The following TMEM237 variants were observed in gnomAD, a reference collection of about 807,000 sequenced individuals.
TMEM237 encodes the protein amyotrophic lateral sclerosis 2 (juvenile) chromosome region, candidate 4.
Under a neutral mutation model 59.1 loss-of-function variants are expected in TMEM237, and 51 were observed. The observed-to-expected ratio is 0.86, with a 90% confidence interval of 0.69 to 1.09. The LOEUF (loss-of-function observed/expected upper bound fraction) is 1.09. Among genes scored for constraint, TMEM237 ranks in the 50% least tolerant of loss-of-function variants. TMEM237 has a pLI of 0.00. For synonymous variants in TMEM237, 140 were observed against 166.1 expected (o/e 0.84, Z 1.21); for missense variants, 475 against 478.3 (o/e 0.99, Z 0.06).
chr2:201,638,546 C>T (rs548143402), intron 4 of TMEM237: 1 of 155,058 alleles, frequency 6.4e-6, no homozygotes, highest in South Asian at 2.1e-4. Context: ...ATGACTGAAG[C>T]TTTACTATTT....
intron 1 of TMEM237, among the ~76,000 whole-genome samples, chr2:201,641,990 T>C (rs1015503517): frequency 6.6e-6 from 1 of 152,164 alleles, no homozygotes; most frequent in African/African-American, 2.4e-5. Flanking sequence ...TTTAATTCAA[T>C]GGGAAACAAA....
intron 1 of TMEM237, among the ~76,000 whole-genome samples, chr2:201,641,826 A>C (rs1329953349): frequency 6.6e-6 from 1 of 152,118 alleles, no homozygotes; most frequent in Non-Finnish European, 1.5e-5. Context: ...ATGAGAAAGC[A>C]GCAACCGGAA....
rs542584542 is a variant in TMEM237 at position 201,627,768 on chromosome 2, G to T, written c.943+308C>A. ...AATGATCAGAAAGATATAAAATATT[G>T]TTTGTTATTAAAAGGCCATACCCGC... On this transcript the variant is annotated intron_variant, in intron 10 of 12. Coordinates refer to ENST00000409883, the MANE Select transcript of TMEM237 (RefSeq NM_001044385.3). Among the ~76,000 whole-genome samples, 52 of 152,130 alleles carry T rather than the reference G, an allele frequency of 3.4e-4. 1 individual carries two copies. The highest frequency in any genetic ancestry group is 3.1e-3 in the Admixed American group (47 of 15,284).
At position 201,626,225 on chromosome 2, in the gene TMEM237, A is replaced by ATGTTC. The variant is rs1957757636; in HGVS notation, c.1038-79_1038-78insGAACA. 2.7e-6 allele frequency: 4 copies of ATGTTC among 1,475,744 alleles called. No homozygotes were observed. In the African/African-American group the frequency reaches 5.7e-5, roughly 21 times the overall value. 91.4% of individuals were successfully genotyped at this position (1,475,744 alleles called of 1,614,324 possible). On this transcript the variant is annotated intron_variant, in intron 11 of 12. Transcript: ENST00000409883. ...CAAATATATCTATTTTATGAACTTT[A>ATGTTC]AGAAAAAACAGCAGTCCTCTCCTAG...
Position 201,626,066 on chromosome 2 carries a change from C to T in TMEM237, c.1119G>A (p.Trp373Ter). 1 of 1,602,314 alleles carries T rather than the reference C, an allele frequency of 6.2e-7. No homozygotes were observed. Among genetic ancestry groups the T allele is most frequent in the Non-Finnish European group, 8.5e-7 (1 of 1,173,932 alleles). ...LVVALLVGLS[W>*]LFLSYRPGMD... Reference sequence around the variant, plus strand: ...TGCCTGGCCTATAAGACAAAAATAGCCAAGATAATCCAACCAGAAGAGCCA... The same window carrying T: ...TGCCTGGCCTATAAGACAAAAATAGTCAAGATAATCCAACCAGAAGAGCCA... Residue 373 changes from tryptophan (W) to a stop codon, truncating the protein, a stop_gained, in exon 12 of 13, where the codon TGG becomes TGA. Coordinates refer to ENST00000409883, the MANE Select transcript of TMEM237 (RefSeq NM_001044385.3). LOFTEE classifies it high-confidence loss of function.
intron 4 of TMEM237, among the ~76,000 whole-genome samples, chr2:201,637,206 T>A (rs1293803108): frequency 6.6e-6 from 1 of 152,226 alleles, no homozygotes; most frequent in Non-Finnish European, 1.5e-5. Flanking sequence ...TAAAAACTGA[T>A]ACCATAGAGA....
chr2:201,629,460 T>C (rs1465223856), intron 8 of TMEM237, 39 bp from the exon 9 acceptor site: 4 of 1,463,276 alleles, frequency 2.7e-6, no homozygotes, highest in Admixed American at 3.1e-5. Flanking sequence ...CATGAATTAC[T>C]AAAGTAAAAA....
At chr2:201,640,337 A>G in intron 2 of TMEM237, 72 bp from the exon 3 acceptor site, 2 of 1,389,726 alleles carry the variant, frequency 1.4e-6, no homozygotes, top group Non-Finnish European at 1.9e-6. Context: ...TTAATTAGAA[A>G]CCTGTTAATA....
chr2:201,625,091 C>T (rs915233758), intron 12 of TMEM237, among the ~76,000 whole-genome samples: 5 of 152,172 alleles, frequency 3.3e-5, no homozygotes, highest in South Asian at 2.1e-4. Context: ...TGGCCAGGCG[C>T]GGTGGCTCAC....
intron 9 of TMEM237, 144 bp from the exon 10 acceptor site, chr2:201,628,293 A>T: frequency 2.0e-6 from 1 of 506,828 alleles, no homozygotes; most frequent in Non-Finnish European, 3.6e-6. Context: ...TGTATACTTA[A>T]CACGCATGAC....
chr2:201,626,848 A>T (rs1957763474), intron 11 of TMEM237, among the ~76,000 whole-genome samples: 1 of 152,226 alleles, frequency 6.6e-6, no homozygotes, highest in Non-Finnish European at 1.5e-5. Flanking sequence ...ATGGGAGGCC[A>T]AGGCGGGTGG....
rs1489180369 is a variant in TMEM237, at chr2:201,626,100, T to C, written c.1085A>G (p.Asn362Ser). ...TCCAACCAGAAGAGCCACCACGAGA[T>C]TCACCACAATCCATGGCTGGAGAAT... ...EQILQPWIVV[N>S]LVVALLVGLS... is the part of the protein sequence containing the mutation. Residue 362 changes from asparagine (N) to serine (S), a missense_variant, in exon 12 of 13, where the codon AAT becomes AGT. Physicochemically the swap from Asn to Ser is conservative, Grantham distance 46. Transcript: ENST00000409883. 1 of 1,610,228 alleles carries C rather than the reference T, an allele frequency of 6.2e-7. No homozygotes were observed. The highest frequency in any genetic ancestry group is 8.5e-7 in the Non-Finnish European group (1 of 1,178,200).
At chr2:201,633,847 G>A (rs1687230977) in intron 5 of TMEM237, among the ~76,000 whole-genome samples, 1 of 152,200 alleles carries the variant, frequency 6.6e-6, no homozygotes, top group African/African-American at 2.4e-5. Flanking sequence ...GCTTCCAAGA[G>A]TCCTCTATCA....
rs1687466351 is a variant in TMEM237, at chr2:201,643,158, CG to C, written c.42+200del. On this transcript the variant is annotated intron_variant, in intron 1 of 12. Coordinates refer to ENST00000409883, the MANE Select transcript of TMEM237 (RefSeq NM_001044385.3). This position sits in a 1 kb window ranked among gnomAD's most constrained non-coding sequence, Gnocchi z 4.3. ...CATGCCAGGCCTCTCTCTCCCACTC[CG>C]GGAGTTCGGTCCCGGCCTCGCCTGC... Among the ~76,000 whole-genome samples, 1 of 152,064 alleles carries C rather than the reference CG, an allele frequency of 6.6e-6. No homozygotes were observed. Among genetic ancestry groups the C allele is most frequent in the African/African-American group, 2.4e-5 (1 of 41,432 alleles).
rs768173661 is a variant in TMEM237, at chr2:201,620,263, T to C, written c.*3992A>G. On this transcript the variant is annotated 3_prime_UTR_variant, in exon 13 of 13. Coordinates refer to ENST00000409883, the MANE Select transcript of TMEM237 (RefSeq NM_001044385.3). The stretch of plus-strand genomic sequence containing the variant: ...GAAACCAAAGGTCTGCAAAATGTAC[T>C]CTCCTAGCTCAGGATCATTATTTAT... 5.9e-5 allele frequency: 9 copies of C among 152,214 alleles called. No homozygotes were observed. The highest frequency in any genetic ancestry group is 1.2e-4 in the Non-Finnish European group (8 of 68,036). 9.4% of individuals were successfully genotyped at this position (152,214 alleles called of 1,614,324 possible). A position where few individuals can be genotyped will look rare whatever the true frequency, so the allele number is the denominator to read the frequency against.
At chr2:201,641,652 T>C (rs926439798) in intron 1 of TMEM237, among the ~76,000 whole-genome samples, 1 of 107,662 alleles carries the variant, frequency 9.3e-6, no homozygotes, top group Non-Finnish European at 2.0e-5. Context: ...GCATGTACGA[T>C]AAAATATATT....
intron 5 of TMEM237, 83 bp downstream of exon 5, chr2:201,636,664 GA>G: frequency 6.8e-7 from 1 of 1,465,576 alleles, no homozygotes. Context: ...TGGATAGGGG[GA>G]AAGAAATGAA....
At chr2:201,636,711 A>C in intron 5 of TMEM237, 37 bp downstream of exon 5, 1 of 1,547,824 alleles carries the variant, frequency 6.5e-7, no homozygotes, top group Non-Finnish European at 8.7e-7. Flanking sequence ...CAAAATCACA[A>C]GTGCTATCAC....
At position 201,632,040 on chromosome 2, in the gene TMEM237, C is replaced by A; in HGVS notation, c.553+11G>T. On this transcript the variant is annotated intron_variant, in intron 7 of 12. Coordinates refer to ENST00000409883, the MANE Select transcript of TMEM237 (RefSeq NM_001044385.3). ...AAAGAGTTCATATTCTAAAACAAGG[C>A]ATCTACTTACGGCTTTTTTCCACAA... 1 of 1,613,070 alleles carries A rather than the reference C, an allele frequency of 6.2e-7. No individual in the cohort carries two copies. Among genetic ancestry groups the A allele is most frequent in the Middle Eastern group, 1.7e-4 (1 of 6,044 alleles).
Sources: allele counts gnomAD v4.1 joint callset (sites outside exome capture counted in the v4.1 genomes callset), GRCh38; gene constraint gnomAD v4.1.1; non-coding constraint Gnocchi (gnomAD v3.1); transcripts MANE v1.5; gene names NCBI Gene and HGNC (gene_info 2026-07-23, HGNC 2026-07-21).